Variants in ACOXL observed in about 807,000 individuals in gnomAD.
ACOXL encodes the protein acyl-CoA oxidase like.
Under a neutral mutation model 71.9 loss-of-function variants are expected in ACOXL, and 70 were observed. The ratio of observed to expected loss-of-function variants is 0.97; its 90% CI spans 0.80 to 1.19. The LOEUF (loss-of-function observed/expected upper bound fraction) is 1.19. ACOXL is among the 50% of genes most tolerant of loss of function. The probability of loss-of-function intolerance (pLI) is 0.00; values close to 1 mark genes in which losing one functional copy is unlikely to be tolerated. For missense variants in ACOXL, 703 were observed against 736.3 expected (o/e 0.95, Z 0.52); for synonymous variants, 253 against 281.6 (o/e 0.90, Z 1.02).
chr2:110,943,104 G>C (rs2060942600), intron 12 of ACOXL, among the ~76,000 whole-genome samples: 1 of 140,922 alleles, frequency 7.1e-6, no homozygotes, highest in Non-Finnish European at 1.5e-5. Context: ...AGGAAGGAAG[G>C]TAGGAAAGAG....
intron 1 of ACOXL, among the ~76,000 whole-genome samples, chr2:110,735,551 A>G (rs1374731071): frequency 1.3e-5 from 2 of 152,242 alleles, no homozygotes; most frequent in African/African-American, 4.8e-5. Flanking sequence ...CACTCTCCTC[A>G]GAGGAGGAGT....
chr2:111,076,833 A>G (rs2067625723), intron 16 of ACOXL, among the ~76,000 whole-genome samples: 1 of 152,218 alleles, frequency 6.6e-6, no homozygotes, highest in African/African-American at 2.4e-5. Flanking sequence ...GCTTCAGAGA[A>G]TAATCCATTC....
At chr2:110,755,906 T>TAA (rs151151259) in intron 1 of ACOXL, among the ~76,000 whole-genome samples, 3 of 151,936 alleles carry the variant, frequency 2.0e-5, no homozygotes, top group East Asian at 1.9e-4. Context: ...TTAAAGAAAT[T>TAA]AAAAAAAATA....
chr2:110,919,632 A>C (rs181547059), intron 11 of ACOXL, among the ~76,000 whole-genome samples: 1 of 152,162 alleles, frequency 6.6e-6, no homozygotes, highest in Non-Finnish European at 1.5e-5. Flanking sequence ...TGTTCCATTC[A>C]GTATCAGACA....
chr2:110,897,399 G>C (rs917161944), intron 10 of ACOXL, among the ~76,000 whole-genome samples: 4 of 152,160 alleles, frequency 2.6e-5, no homozygotes, highest in African/African-American at 9.7e-5. Flanking sequence ...TGGAGACTGG[G>C]AAGTCCAGGA....
At chr2:110,895,667 T>G (rs562252620) in intron 10 of ACOXL, among the ~76,000 whole-genome samples, 4 of 148,486 alleles carry the variant, frequency 2.7e-5, no homozygotes, top group Middle Eastern at 3.5e-3. Context: ...TTGAAAACAA[T>G]AGAGAGAGAG....
At chr2:110,804,555 C>G (rs1412497436) in intron 8 of ACOXL, among the ~76,000 whole-genome samples, 1 of 151,896 alleles carries the variant, frequency 6.6e-6, no homozygotes, top group African/African-American at 2.4e-5. Context: ...TAATTATTCA[C>G]AATAGCAAAA....
At chr2:110,826,752 CT>C (rs775164507) in intron 9 of ACOXL, among the ~76,000 whole-genome samples, 1,262 of 116,380 alleles carry the variant, frequency 0.011, 12 homozygotes, top group African/African-American at 0.026. Context: ...TCTCTCTTTG[CT>C]TTTTTTTTTT....
chr2:110,933,592 T>C lies in ACOXL; in HGVS notation c.1009T>C (p.Trp337Arg). 6.2e-7 allele frequency: 1 copy of C among 1,613,788 alleles called. No homozygotes were observed. The highest frequency in any genetic ancestry group is 1.3e-5 in the African/African-American group (1 of 75,058). ...GGCGGGGCTGAAGGCCTACAGCACC[T>C]GGGAGAACATCCGCTGCCTGCAGGA... ...LVAGLKAYST[W>R]ENIRCLQDCR... The change falls in exon 12 of 18, where the codon TGG (tryptophan) becomes CGG (arginine). Residue 337 changes from tryptophan to arginine, a missense_variant. Physicochemically the swap from Trp to Arg is moderately radical, Grantham distance 101 (BLOSUM62 -3). Coordinates refer to ENST00000439055, the MANE Select transcript of ACOXL (RefSeq NM_001142807.4).
At chr2:110,974,263 C>T (rs1052729264) in intron 12 of ACOXL, among the ~76,000 whole-genome samples, 6 of 152,236 alleles carry the variant, frequency 3.9e-5, no homozygotes, top group Non-Finnish European at 1.5e-5. Context: ...ATATTACCTA[C>T]AGTGCTTTCA....
intron 10 of ACOXL, among the ~76,000 whole-genome samples, chr2:110,880,178 G>GA (rs1696469012): frequency 6.9e-6 from 1 of 145,344 alleles, no homozygotes; most frequent in Admixed American, 6.8e-5. Context: ...AAAAAGAAAA[G>GA]AAAAGAAAGG....
rs140845616 is a variant in ACOXL, at chr2:110,747,619, G to A, written c.-23+14845G>A. Among the ~76,000 whole-genome samples the A allele has an allele frequency of 2.6e-3, 396 of 152,330 alleles. 1 individual carries two copies. Among genetic ancestry groups the A allele is most frequent in the Admixed American group, 3.5e-3 (54 of 15,304 alleles). ...TTCCTGGAGGTTGGGACCCTGTGAT[G>A]ACCTGAGTCAATCAGACGTGCCCTG... On this transcript the variant is annotated intron_variant, in intron 1 of 17. Coordinates refer to ENST00000439055, the MANE Select transcript of ACOXL (RefSeq NM_001142807.4).
At chr2:111,014,951 T>C (rs564806380) in intron 14 of ACOXL, among the ~76,000 whole-genome samples, 1 of 152,316 alleles carries the variant, frequency 6.6e-6, no homozygotes, top group Admixed American at 6.5e-5. Context: ...TTCTGCATAA[T>C]ACACAAAGGT....
intron 13 of ACOXL, among the ~76,000 whole-genome samples, chr2:110,990,663 C>T (rs139634529): frequency 6.6e-6 from 1 of 152,274 alleles, no homozygotes; most frequent in East Asian, 1.9e-4. Flanking sequence ...GATAGACACA[C>T]TTTACTTCCT....
intron 12 of ACOXL, among the ~76,000 whole-genome samples, chr2:110,965,807 G>A (rs1449624601): frequency 1.3e-5 from 2 of 152,118 alleles, no homozygotes; most frequent in African/African-American, 4.8e-5. Flanking sequence ...GGGACTTTGG[G>A]ACTTGAACAA....
intron 8 of ACOXL, among the ~76,000 whole-genome samples, chr2:110,803,823 A>G (rs1331630600): frequency 6.6e-6 from 1 of 152,200 alleles, no homozygotes; most frequent in African/African-American, 2.4e-5. Context: ...GCTCAAGAAT[A>G]AAAAGACAAC....
intron 10 of ACOXL, among the ~76,000 whole-genome samples, chr2:110,847,993 T>C (rs904633579): frequency 1.3e-5 from 2 of 152,212 alleles, no homozygotes; most frequent in African/African-American, 4.8e-5. Flanking sequence ...TTGAAGTTCA[T>C]AGATGAATCA....
rs1686023975 is a variant in ACOXL, at chr2:110,801,692, G to A, written c.588G>A (p.Lys196=). 4 of 1,614,156 alleles carry A rather than the reference G, an allele frequency of 2.5e-6. No homozygotes were observed. In the South Asian group the frequency reaches 4.4e-5, roughly 18 times the overall value. The change falls in exon 8 of 18, where the codon AAG becomes AAA. Residue 196 remains lysine (K), a synonymous_variant. Coordinates refer to ENST00000439055, the MANE Select transcript of ACOXL (RefSeq NM_001142807.4). ...ACAATGGGATATTAATATTTGACAA[G>A]GTTCGGATACCCAGGGAGAACCTGC... ...GVDNGILIFD[K]VRIPRENLLD...
intron 10 of ACOXL, among the ~76,000 whole-genome samples, chr2:110,894,999 C>T (rs1114540): frequency 0.32 from 49,309 of 151,976 alleles, 8,319 homozygotes; most frequent in South Asian, 0.5. Context: ...TATACAGTTT[C>T]AAATGAAAAT....
Sources: gnomAD v4.1 joint callset for allele counts (sites outside exome capture counted in the v4.1 genomes callset) on GRCh38, gnomAD v4.1.1 for gene constraint, MANE v1.5 for transcripts, NCBI Gene and HGNC (gene_info 2026-07-23, HGNC 2026-07-21) for gene names.